The following CHRM3 variants were observed in gnomAD, a reference collection of about 807,000 sequenced individuals.
CHRM3 encodes the protein cholinergic receptor muscarinic 3.
A neutral mutation model predicts 41.8 loss-of-function variants in CHRM3; 11 were observed. The ratio of observed to expected loss-of-function variants is 0.26; its 90% CI spans 0.17 to 0.44. The LOEUF is 0.44. Among genes scored for constraint, CHRM3 ranks in the 20% least tolerant of loss-of-function variants. The pLI, the probability that CHRM3 is intolerant of heterozygous loss-of-function variation, is 1.00. For missense variants in CHRM3, 571 were observed against 745.4 expected (o/e 0.77, Z 2.72); for synonymous variants, 297 against 301.4 (o/e 0.99, Z 0.15).
At chr1:239,388,787 A>G (rs1004281228) in intron 1 of CHRM3, among the ~76,000 whole-genome samples, 1 of 152,224 alleles carries the variant, frequency 6.6e-6, no homozygotes, top group Non-Finnish European at 1.5e-5. Context: ...GTGCATTCCA[A>G]CATGCCACAG....
At chr1:239,872,100 G>A (rs1676639786) in intron 6 of CHRM3, among the ~76,000 whole-genome samples, 1 of 152,192 alleles carries the variant, frequency 6.6e-6, no homozygotes, top group Non-Finnish European at 1.5e-5. Flanking sequence ...CAGGTGAAAG[G>A]TAGGTGAGGC....
chr1:239,655,252 C>G (rs1672613004), intron 4 of CHRM3, among the ~76,000 whole-genome samples: 1 of 152,210 alleles, frequency 6.6e-6, no homozygotes, highest in Non-Finnish European at 1.5e-5. Context: ...GATTACACAG[C>G]TGCAAAATTT....
chr1:239,699,721 A>G (rs753560942), intron 5 of CHRM3, among the ~76,000 whole-genome samples: 5 of 152,180 alleles, frequency 3.3e-5, no homozygotes, highest in Non-Finnish European at 7.4e-5. Context: ...CTTTGTATAA[A>G]TTCTCAGAAG....
chr1:239,475,668 A>G lies in CHRM3; in HGVS notation c.-520-17041A>G, dbSNP rs540799064. ...ATGTACCAACATTAACTCATTGATT[A>G]CAACAAATACTAATGTAACATGCTA... is the stretch of plus-strand genomic sequence containing the variant. On this transcript the variant is annotated intron_variant, in intron 1 of 6. Transcript: ENST00000676153. Among the ~76,000 whole-genome samples, 10 of 152,336 alleles carry G rather than the reference A, an allele frequency of 6.6e-5. No homozygotes were observed. In the South Asian group the frequency reaches 2.1e-3, roughly 32 times the overall value.
At chr1:239,436,783 CA>C (rs938757183) in intron 1 of CHRM3, among the ~76,000 whole-genome samples, 6 of 151,902 alleles carry the variant, frequency 3.9e-5, no homozygotes, top group African/African-American at 1.5e-4. Flanking sequence ...TTTTAGTTGC[CA>C]TGTGGGGTTT....
At chr1:239,503,577 A>G (rs992072432) in intron 2 of CHRM3, among the ~76,000 whole-genome samples, 2 of 152,138 alleles carry the variant, frequency 1.3e-5, no homozygotes, top group African/African-American at 4.8e-5. Flanking sequence ...ATAATATGAA[A>G]CAAAACAAAA....
chr1:239,741,966 T>C (rs1664893200), intron 5 of CHRM3, among the ~76,000 whole-genome samples: 1 of 152,204 alleles, frequency 6.6e-6, no homozygotes, highest in African/African-American at 2.4e-5. Flanking sequence ...TTCCAGCTTC[T>C]ACTCATCTCT....
intron 1 of CHRM3, among the ~76,000 whole-genome samples, chr1:239,454,882 C>T (rs1214730539): frequency 6.6e-6 from 1 of 152,128 alleles, no homozygotes; most frequent in Non-Finnish European, 1.5e-5. Flanking sequence ...CAGCTCACTA[C>T]CCGTGCATGT....
chr1:239,559,804 C>T (rs1660693424), intron 3 of CHRM3, among the ~76,000 whole-genome samples: 1 of 152,044 alleles, frequency 6.6e-6, no homozygotes, highest in African/African-American at 2.4e-5. Flanking sequence ...GAATTAATGC[C>T]CTGTCCAGGA....
At chr1:239,511,551 C>T (rs1668922978) in intron 2 of CHRM3, among the ~76,000 whole-genome samples, 1 of 152,052 alleles carries the variant, frequency 6.6e-6, no homozygotes, top group Non-Finnish European at 1.5e-5. Context: ...ATGTCTCTTC[C>T]ATTTTTGTCT....
rs972542939 is a variant in CHRM3 at position 239,680,838 on chromosome 1, T to C, written c.-147+2550T>C. Among the ~76,000 whole-genome samples the C allele has an allele frequency of 1.8e-4, 28 of 152,202 alleles. 2 individuals carry two copies. The Middle Eastern group carries it at 0.01, about 55-fold the overall frequency. Reference sequence around the variant, plus strand: ...TTTGAACTGCGGAGGAGACTTTTTTTTTTCTCCTAAGTGACCTTATAAACC... The same window carrying C: ...TTTGAACTGCGGAGGAGACTTTTTTCTTTCTCCTAAGTGACCTTATAAACC... On this transcript the variant is annotated intron_variant, in intron 5 of 6. Transcript: ENST00000676153.
At chr1:239,886,626 T>C (rs182994469) in intron 6 of CHRM3, 1 of 152,358 alleles carries the variant, frequency 6.6e-6, no homozygotes, top group Non-Finnish European at 1.5e-5. Context: ...TGTTTGCTTG[T>C]GCTTACAATA....
chr1:239,857,067 C>T (rs1030822169), intron 6 of CHRM3, among the ~76,000 whole-genome samples: 2 of 152,160 alleles, frequency 1.3e-5, no homozygotes, highest in African/African-American at 4.8e-5. Context: ...TTCCTGAAAA[C>T]AAGCAGCATT....
intron 5 of CHRM3, among the ~76,000 whole-genome samples, chr1:239,736,708 G>A (rs1197679492): frequency 1.3e-5 from 2 of 152,124 alleles, no homozygotes; most frequent in East Asian, 3.9e-4. Flanking sequence ...TCCATAACCA[G>A]CTATGCCAAT....
chr1:239,436,872 G>C (rs1025318210), intron 1 of CHRM3, among the ~76,000 whole-genome samples: 1 of 151,900 alleles, frequency 6.6e-6, no homozygotes. Context: ...CCGTCTTCAT[G>C]GGGACTGGTG....
At chr1:239,869,542 A>G (rs1676400093) in intron 6 of CHRM3, among the ~76,000 whole-genome samples, 2 of 152,076 alleles carry the variant, frequency 1.3e-5, no homozygotes, top group African/African-American at 4.8e-5. Flanking sequence ...AATCAGCCAC[A>G]GGAGTCAAAG....
At chr1:239,446,357 G>A (rs774261456) in intron 1 of CHRM3, among the ~76,000 whole-genome samples, 1 of 152,182 alleles carries the variant, frequency 6.6e-6, no homozygotes, top group African/African-American at 2.4e-5. Context: ...TAAGCTGTAA[G>A]TATGATTTAT....
chr1:239,386,908 G>T lies in CHRM3; in HGVS notation c.-840G>T, dbSNP rs1023112611. 6.6e-6 allele frequency: 1 copy of T among 151,964 alleles called. No homozygotes were observed. 9.4% of individuals were successfully genotyped at this position (151,964 alleles called of 1,614,324 possible). ...CGCTTGGGCAGGTGCCGCGGCCGCT[G>T]CCCGGAGGCGGCATGTGACGCGCGG... On this transcript the variant is annotated 5_prime_UTR_variant, in exon 1 of 7. Coordinates refer to ENST00000676153, the MANE Select transcript of CHRM3 (RefSeq NM_001375978.1).
At chr1:239,526,612 A>G (rs1670011336) in intron 2 of CHRM3, among the ~76,000 whole-genome samples, 1 of 152,190 alleles carries the variant, frequency 6.6e-6, no homozygotes, top group South Asian at 2.1e-4. Context: ...TTTTGCTTCT[A>G]TTAAGTGCAA....
Sources: gnomAD v4.1 joint callset for allele counts (sites outside exome capture counted in the v4.1 genomes callset) on GRCh38, gnomAD v4.1.1 for gene constraint, MANE v1.5 for transcripts, NCBI Gene and HGNC (gene_info 2026-07-23, HGNC 2026-07-21) for gene names.